Variants in PRC1 observed in about 807,000 individuals in gnomAD.
The protein encoded by PRC1 is anaphase spindle elongation 1 homolog.
A neutral mutation model predicts 91.2 loss-of-function variants in PRC1; 54 were observed. That is an observed-to-expected ratio of 0.59 (90% CI 0.48 to 0.74). The LOEUF is 0.74. Among genes scored for constraint, PRC1 ranks in the 30% least tolerant of loss-of-function variants. PRC1 has a pLI of 0.00. For synonymous variants in PRC1, 275 were observed against 263.6 expected, an observed-to-expected ratio of 1.04 and a Z score of -0.42; for missense variants, 727 against 746.2, an observed-to-expected ratio of 0.97 and a Z score of 0.30.
Position 90,974,689 on chromosome 15 carries a change from C to T in PRC1, c.1246G>A (p.Glu416Lys), listed in dbSNP as rs760818954. 1.7e-5 allele frequency: 28 copies of T among 1,614,228 alleles called. No individual in the cohort carries two copies. Among genetic ancestry groups the T allele is most frequent in the Admixed American group, 6.7e-5 (4 of 60,032 alleles). The part of the protein sequence containing the change: ...LKARIELWEQ[E>K]HSKAFMVNGQ... ...TTCACCATAAATGCCTTTGAATGTT[C>T]CTGTTCCCACAATTCAATTCGTGCC... is the stretch of plus-strand genomic sequence containing the variant. Residue 416 changes from glutamate to lysine, a missense_variant, in exon 10 of 15, where the codon GAA (glutamate) becomes AAA (lysine). Coordinates refer to ENST00000394249, the MANE Select transcript of PRC1 (RefSeq NM_003981.4). This position sits in a 1 kb window ranked among gnomAD's most constrained non-coding sequence, Gnocchi z 4.6.
chr15:90,971,459 T>C (rs1437065884), intron 11 of PRC1, among the ~76,000 whole-genome samples: 4 of 152,102 alleles, frequency 2.6e-5, no homozygotes, highest in Admixed American at 6.5e-5. Context: ...CTAATTTTTG[T>C]ATTTGTAGTA....
In PRC1 at chr15:90,970,488, A is replaced by C. The variant is rs1001301506; in HGVS notation, c.1488T>G (p.Ala496=). Residue 496 remains alanine, a synonymous_variant, in exon 12 of 15, where the codon GCT becomes GCG. Coordinates refer to ENST00000394249, the MANE Select transcript of PRC1 (RefSeq NM_003981.4). ...RKLNTTTMSN[A]TANSSIRPIF... is the part of the protein sequence containing the mutation. ...TAGGCCGAATGCTACTATTGGCCGTAGCATTGGACATGGTGGTAGTGTTCA... is the reference window on the plus strand; with the variant it reads ...TAGGCCGAATGCTACTATTGGCCGTCGCATTGGACATGGTGGTAGTGTTCA... The C allele has an allele frequency of 1.5e-5, 25 of 1,613,444 alleles. No individual in the cohort carries two copies. The highest frequency in any genetic ancestry group is 4.0e-5 in the African/African-American group (3 of 74,926).
intron 5 of PRC1, 48 bp downstream of exon 5, chr15:90,981,451 C>G: frequency 6.3e-7 from 1 of 1,598,094 alleles, no homozygotes; most frequent in Admixed American, 1.7e-5. Flanking sequence ...TTTGTTCAAA[C>G]TGCTATATAC....
At chr15:90,978,419 C>T (rs1038616299) in intron 8 of PRC1, among the ~76,000 whole-genome samples, 9 of 152,110 alleles carry the variant, frequency 5.9e-5, no homozygotes, top group African/African-American at 9.7e-5. Context: ...GAGTGAGGGG[C>T]AATGCCTTCT....
Position 90,974,324 on chromosome 15 carries a change from G to T in PRC1, c.1351-78C>A. ...GGGATGGCAACAGCAGCAGGGCCGG[G>T]AATCTAGGCCCGTGTCTCTACAGCC... is the stretch of plus-strand genomic sequence containing the variant. On this transcript the variant is annotated intron_variant, in intron 10 of 14. Coordinates refer to ENST00000394249, the MANE Select transcript of PRC1 (RefSeq NM_003981.4). The surrounding 1 kb of genome is among the most constrained non-coding windows in gnomAD (Gnocchi z 4.6). 1 of 1,299,382 alleles carries T rather than the reference G, an allele frequency of 7.7e-7. No homozygotes were observed. The highest frequency in any genetic ancestry group is 1.1e-6 in the Non-Finnish European group (1 of 905,596). The allele number at this position is 1,299,382 out of a possible 1,614,324, so 80.5% of individuals were successfully genotyped here.
At chr15:90,970,581 A>C in intron 11 of PRC1, 67 bp from the exon 12 acceptor site, 2 of 1,160,806 alleles carry the variant, frequency 1.7e-6, no homozygotes, top group South Asian at 2.6e-5. Context: ...CAACCTGTCT[A>C]CCCTACAGAG....
At chr15:90,977,647 G>A (rs1351958041) in intron 8 of PRC1, among the ~76,000 whole-genome samples, 2 of 142,062 alleles carry the variant, frequency 1.4e-5, no homozygotes, top group Non-Finnish European at 3.0e-5. Flanking sequence ...GCAGTGGTGC[G>A]ATCTTGGCTC....
At chr15:90,991,386 T>C (rs549153495) in intron 1 of PRC1, among the ~76,000 whole-genome samples, 2 of 151,476 alleles carry the variant, frequency 1.3e-5, no homozygotes, top group South Asian at 4.2e-4. Flanking sequence ...GATCATGCCA[T>C]TGCACTCCAG....
At chr15:90,969,700 C>T (rs2037889036) in intron 12 of PRC1, 77 bp from the exon 13 acceptor site, 1 of 1,299,464 alleles carries the variant, frequency 7.7e-7, no homozygotes, top group Non-Finnish European at 1.0e-6. Flanking sequence ...CTGCACTGGT[C>T]AAAGGCTGAG....
Position 90,974,222 on chromosome 15 carries a change from CTG to C in PRC1, c.1373_1374del (p.Thr458ArgfsTer14), listed in dbSNP as rs1395042309. 1 of 1,614,056 alleles carries C rather than the reference CTG, an allele frequency of 6.2e-7. No individual in the cohort carries two copies. Among genetic ancestry groups the C allele is most frequent in the African/African-American group, 1.3e-5 (1 of 74,942 alleles). On this transcript the variant is annotated frameshift_variant, in exon 11 of 15. Transcript: ENST00000394249. LOFTEE classifies it high-confidence loss of function. The surrounding 1 kb of genome is among the most constrained non-coding windows in gnomAD (Gnocchi z 4.6). ...QERQLKNKKQ[T>X]ETEMLYGSAP... ...GCGCTGCCATACAGCATCTCTGTCT[CTG>C]TCTGTTTTTTGTTCTTCAGTTGCTG...
intron 1 of PRC1, among the ~76,000 whole-genome samples, chr15:90,991,698 G>A (rs945200845): frequency 1.3e-5 from 2 of 151,720 alleles, no homozygotes; most frequent in Admixed American, 6.6e-5. Flanking sequence ...ACACAAGACA[G>A]GCAGAATCTC....
intron 1 of PRC1, chr15:90,985,986 C>T (rs1454478630): frequency 1.3e-5 from 2 of 152,206 alleles, no homozygotes; most frequent in Non-Finnish European, 2.9e-5. Flanking sequence ...CCATGCCTGG[C>T]CTATTCTTCT....
At chr15:90,976,419 T>C (rs112458643) in intron 9 of PRC1, among the ~76,000 whole-genome samples, 7,387 of 150,694 alleles carry the variant, frequency 0.049, 366 homozygotes, top group South Asian at 0.14. Flanking sequence ...GACCTCGCGA[T>C]ATGCCTGCCT....
At chr15:90,969,661 T>C in intron 12 of PRC1, 38 bp from the exon 13 acceptor site, 1 of 1,545,696 alleles carries the variant, frequency 6.5e-7, no homozygotes, top group Non-Finnish European at 8.8e-7. Context: ...ATCATCCTTC[T>C]AATGAACGTG....
At chr15:90,968,319 G>C (rs1263885472) in intron 14 of PRC1, 1 of 985,392 alleles carries the variant, frequency 1.0e-6, no homozygotes, top group Non-Finnish European at 1.2e-6. Flanking sequence ...GCCAGTTTCA[G>C]TGATCAAAAC....
chr15:90,974,482 C>T lies in PRC1; in HGVS notation c.1350+103G>A, dbSNP rs111938240. 7.8e-4 allele frequency: 1,183 copies of T among 1,508,332 alleles called. 13 individuals carry two copies. The African/African-American group carries it at 0.015, about 19-fold the overall frequency. 93.4% of individuals were successfully genotyped at this position (1,508,332 alleles called of 1,614,324 possible). On this transcript the variant is annotated intron_variant, in intron 10 of 14. Coordinates refer to ENST00000394249, the MANE Select transcript of PRC1 (RefSeq NM_003981.4). The surrounding 1 kb of genome is among the most constrained non-coding windows in gnomAD (Gnocchi z 4.6). ...GGCTTCCCGTTCCACAAGCCCCGGTCCCCGGCTCCCTGTTCCACAAACCCT... is the reference window on the plus strand; with the variant it reads ...GGCTTCCCGTTCCACAAGCCCCGGTTCCCGGCTCCCTGTTCCACAAACCCT...
rs1029334484 is a variant in PRC1, at chr15:90,976,676, C to T, written c.1203G>A (p.Lys401=). 2 of 1,605,944 alleles carry T rather than the reference C, an allele frequency of 1.2e-6. No homozygotes were observed. The highest frequency in any genetic ancestry group is 1.3e-5 in the African/African-American group (1 of 74,700). The change falls in exon 9 of 15, where the codon AAG becomes AAA. Residue 401 remains lysine, a splice_region_variant and synonymous_variant. Coordinates refer to ENST00000394249, the MANE Select transcript of PRC1 (RefSeq NM_003981.4). ...QRAKLQKMLP[K]LEEELKARIE... Reference sequence around the variant, plus strand: ...CAAAAACCCTTAGCAACATTATTACCTTGGGCAGCATTTTCTGGAGCTTGG... The same window carrying T: ...CAAAAACCCTTAGCAACATTATTACTTTGGGCAGCATTTTCTGGAGCTTGG...
rs774670836 is a variant in PRC1, at chr15:90,980,413, G to C, written c.823-24C>G. On this transcript the variant is annotated intron_variant, in intron 6 of 14. Coordinates refer to ENST00000394249, the MANE Select transcript of PRC1 (RefSeq NM_003981.4). ...AGCTGAAAGAAAGAAACTTGTTAAGGGTGGCTGCCATAGTTTTATATTCAC... is the reference window on the plus strand; with the variant it reads ...AGCTGAAAGAAAGAAACTTGTTAAGCGTGGCTGCCATAGTTTTATATTCAC... 6 of 1,607,894 alleles carry C rather than the reference G, an allele frequency of 3.7e-6. No homozygotes were observed. In the Admixed American group the frequency reaches 8.5e-5, roughly 23 times the overall value.
intron 5 of PRC1, 61 bp from the exon 6 acceptor site, chr15:90,981,094 A>G (rs2039159149): frequency 3.8e-6 from 6 of 1,594,056 alleles, no homozygotes; most frequent in Non-Finnish European, 5.1e-6. Flanking sequence ...CTAGCCCTCT[A>G]GCCTCCCGCA....
Sources: gnomAD v4.1 joint callset for allele counts (sites outside exome capture counted in the v4.1 genomes callset) on GRCh38, gnomAD v4.1.1 for gene constraint, Gnocchi (gnomAD v3.1) non-coding constraint, MANE v1.5 for transcripts, NCBI Gene and HGNC (gene_info 2026-07-23, HGNC 2026-07-21) for gene names.